The following CENPL variants were observed in gnomAD, a reference collection of about 807,000 sequenced individuals.
The protein encoded by CENPL is centromere protein L.
In CENPL, 20 loss-of-function variants were observed where a neutral mutation model predicts 35.2. The observed-to-expected ratio is 0.57, with a 90% confidence interval of 0.40 to 0.83. The LOEUF (loss-of-function observed/expected upper bound fraction) is 0.83, where lower values mean the gene tolerates loss of function less well. CENPL is among the 40% of genes least tolerant of loss of function. The pLI, the probability that CENPL is intolerant of heterozygous loss-of-function variation, is 0.00. For missense variants in CENPL, 363 were observed against 395.8 expected (o/e 0.92, Z 0.70); for synonymous variants, 140 against 140.6 (o/e 1.00, Z 0.03).
At chr1:173,816,909 G>A (rs1349407544) in intron 2 of CENPL, among the ~76,000 whole-genome samples, 1 of 152,168 alleles carries the variant, frequency 6.6e-6, no homozygotes, top group Non-Finnish European at 1.5e-5. Flanking sequence ...GGATGCTGAG[G>A]CGGGTGGATC....
chr1:173,817,718 C>T (rs896280340), intron 2 of CENPL, among the ~76,000 whole-genome samples: 4 of 152,216 alleles, frequency 2.6e-5, no homozygotes, highest in East Asian at 1.9e-4. Context: ...ATGTTTATTG[C>T]GGCACTATTC....
At chr1:173,805,949 A>T (rs985014678) in intron 4 of CENPL, among the ~76,000 whole-genome samples, 1 of 152,128 alleles carries the variant, frequency 6.6e-6, no homozygotes, top group Non-Finnish European at 1.5e-5. Context: ...ACCATGACCT[A>T]TATCAGGGGT....
chr1:173,811,902 C>G (rs1202323637), intron 2 of CENPL, among the ~76,000 whole-genome samples: 2 of 152,260 alleles, frequency 1.3e-5, no homozygotes, highest in Non-Finnish European at 2.9e-5. Flanking sequence ...AGGGATTTCC[C>G]TTTCCTAGCC....
chr1:173,815,108 C>T (rs559697809), intron 2 of CENPL, among the ~76,000 whole-genome samples: 6 of 152,254 alleles, frequency 3.9e-5, no homozygotes, highest in African/African-American at 1.2e-4. Flanking sequence ...AATTCCTGGA[C>T]ACATACACCC....
At chr1:173,813,457 T>C (rs1477595005) in intron 2 of CENPL, among the ~76,000 whole-genome samples, 2 of 152,176 alleles carry the variant, frequency 1.3e-5, no homozygotes, top group East Asian at 1.9e-4. Flanking sequence ...GGGAAGCCCA[T>C]CAGGCTAACA....
At position 173,807,412 on chromosome 1, in the gene CENPL, G is replaced by C; in HGVS notation, c.275C>G (p.Ser92Cys). ...AACAATAAAAGCATTGAGAAGTCTA[G>C]AATACTCTTTGAGATTACTATAGGA... The part of the protein sequence containing the change: ...KFSYSNLKEY[S>C]RLLNAFIVAE... Residue 92 changes from serine to cysteine, a missense_variant, in exon 4 of 6, where the codon TCT becomes TGT. Transcript: ENST00000682279. 6.2e-7 allele frequency: 1 copy of C among 1,612,554 alleles called. No individual in the cohort carries two copies. Among genetic ancestry groups the C allele is most frequent in the Non-Finnish European group, 8.5e-7 (1 of 1,179,044 alleles).
rs1237303999 is a variant in CENPL at position 173,803,382 on chromosome 1, G to A, written c.544C>T (p.Pro182Ser). The A allele has an allele frequency of 6.2e-7, 1 of 1,613,976 alleles. No individual in the cohort carries two copies. Among genetic ancestry groups the A allele is most frequent in the Admixed American group, 1.7e-5 (1 of 60,016 alleles). The change falls in exon 5 of 6, where the codon CCC becomes TCC. Residue 182 changes from proline (P) to serine (S), a missense_variant. Coordinates refer to ENST00000682279, the MANE Select transcript of CENPL (RefSeq NM_001387287.1). ...ETVSEDFTCL[P>S]LFLANGAESN... ...TCTGCTCCATTTGCAAGGAATAAGG[G>A]CAGACAGGTGAAATCTTCTGAAACA...
At position 173,824,221 on chromosome 1, in the gene CENPL, C is replaced by G. The variant is rs919253241; in HGVS notation, c.-111G>C. ...GGACATTTCCGCTCACCCAGCTCTGCGACCCTCGCTCCTGCGGAGTCAGCT... is the reference window on the plus strand; with the variant it reads ...GGACATTTCCGCTCACCCAGCTCTGGGACCCTCGCTCCTGCGGAGTCAGCT... On this transcript the variant is annotated 5_prime_UTR_variant, in exon 1 of 6. Coordinates refer to ENST00000682279, the MANE Select transcript of CENPL (RefSeq NM_001387287.1). The G allele has an allele frequency of 5.3e-5, 8 of 152,272 alleles. No individual in the cohort carries two copies. The highest frequency in any genetic ancestry group is 1.0e-4 in the Non-Finnish European group (7 of 68,098). 9.4% of individuals were successfully genotyped at this position (152,272 alleles called of 1,614,324 possible).
chr1:173,819,050 C>T (rs1419955461), intron 2 of CENPL, among the ~76,000 whole-genome samples: 2 of 151,836 alleles, frequency 1.3e-5, no homozygotes, highest in East Asian at 1.9e-4. Flanking sequence ...GCCTGGGCAA[C>T]GCTGTGAGAC....
chr1:173,817,611 T>C (rs957614987), intron 2 of CENPL, among the ~76,000 whole-genome samples: 1 of 152,156 alleles, frequency 6.6e-6, no homozygotes, highest in Admixed American at 6.5e-5. Flanking sequence ...TCCTCAAGGA[T>C]CTAGAACTAG....
chr1:173,822,381 T>C (rs1192021680), intron 2 of CENPL: 1 of 152,066 alleles, frequency 6.6e-6, no homozygotes, highest in East Asian at 1.9e-4. Flanking sequence ...TACTGATTCT[T>C]TTTTTTTCCT....
chr1:173,815,138 A>C (rs1303031684), intron 2 of CENPL, among the ~76,000 whole-genome samples: 1 of 152,240 alleles, frequency 6.6e-6, no homozygotes, highest in Admixed American at 6.5e-5. Context: ...TAAACCAGGA[A>C]GAAGTCGAAT....
chr1:173,806,542 C>T, intron 4 of CENPL: 2 of 410,616 alleles, frequency 4.9e-6, no homozygotes, highest in South Asian at 1.7e-5. Context: ...CAAGATCGTG[C>T]CACTGTACTC....
chr1:173,813,906 T>A (rs2102595406), intron 2 of CENPL, among the ~76,000 whole-genome samples: 1 of 152,128 alleles, frequency 6.6e-6, no homozygotes, highest in African/African-American at 2.4e-5. Flanking sequence ...TCAAGACCCA[T>A]CAGTGTGCTG....
chr1:173,806,475 T>C, intron 4 of CENPL: 1 of 444,548 alleles, frequency 2.2e-6, no homozygotes, highest in Non-Finnish European at 4.5e-6. Flanking sequence ...TCCCAGCTAC[T>C]TGGAAGGCTA....
At chr1:173,810,359 G>C (rs940606190) in intron 3 of CENPL, among the ~76,000 whole-genome samples, 2 of 151,718 alleles carry the variant, frequency 1.3e-5, no homozygotes, top group Non-Finnish European at 2.9e-5. Flanking sequence ...TAGGCCTGTC[G>C]GGGGTGGAGG....
At chr1:173,809,992 C>G (rs1650654096) in intron 3 of CENPL, among the ~76,000 whole-genome samples, 1 of 152,142 alleles carries the variant, frequency 6.6e-6, no homozygotes, top group Non-Finnish European at 1.5e-5. Context: ...TTATTTGACA[C>G]ACCAATCTCC....
At chr1:173,815,953 A>C (rs1651331206) in intron 2 of CENPL, among the ~76,000 whole-genome samples, 1 of 152,202 alleles carries the variant, frequency 6.6e-6, no homozygotes, top group Non-Finnish European at 1.5e-5. Flanking sequence ...GTCTCAGCCC[A>C]AAATCTCCTT....
intron 2 of CENPL, among the ~76,000 whole-genome samples, chr1:173,818,923 CG>C (rs1407952856): frequency 2.6e-5 from 4 of 152,162 alleles, no homozygotes; most frequent in African/African-American, 4.8e-5. Flanking sequence ...TTCAATTAAA[CG>C]GAAGTATTTC....
Sources: allele counts gnomAD v4.1 joint callset (sites outside exome capture counted in the v4.1 genomes callset), GRCh38; gene constraint gnomAD v4.1.1; transcripts MANE v1.5; gene names NCBI Gene and HGNC (gene_info 2026-07-23, HGNC 2026-07-21).